MYO18B: variants seen among roughly 807,000 people sequenced by gnomAD.
The protein encoded by MYO18B is unconventional myosin-XVIIIb.
Under a neutral mutation model 273.0 loss-of-function variants are expected in MYO18B, and 204 were observed. The observed-to-expected ratio is 0.75, with a 90% CI of 0.67 to 0.84. MYO18B has a LOEUF of 0.84. Among genes scored for constraint, MYO18B ranks in the 40% least tolerant of loss-of-function variants. MYO18B has a pLI of 0.00. For synonymous variants in MYO18B, 1,330 were observed against 1,305.7 expected, an observed-to-expected ratio of 1.02 and a Z score of -0.40; for missense variants, 3,212 against 3,287.6, an observed-to-expected ratio of 0.98 and a Z score of 0.56.
At chr22:26,033,591 A>T (rs1274515232), downstream of MYO18B, among the ~76,000 whole-genome samples, 1 of 152,206 alleles carries the variant, frequency 6.6e-6, no homozygotes, top group Non-Finnish European at 1.5e-5. Context: ...GAAATCCTGA[A>T]GATGCTCATT....
chr22:25,918,862 C>G (rs2092299944), intron 33 of MYO18B, among the ~76,000 whole-genome samples: 1 of 152,214 alleles, frequency 6.6e-6, no homozygotes, highest in Non-Finnish European at 1.5e-5. Flanking sequence ...GTTTATGAAG[C>G]AGCTCCACTA....
At chr22:25,847,254 CA>C (rs1357002697) in intron 19 of MYO18B, among the ~76,000 whole-genome samples, 175 bp from the exon 20 acceptor site, 1 of 152,168 alleles carries the variant, frequency 6.6e-6, no homozygotes, top group African/African-American at 2.4e-5. Flanking sequence ...TCTGTTTCAA[CA>C]AGAACCATTA....
intron 22 of MYO18B, 57 bp from the exon 23 acceptor site, chr22:25,874,229 C>CA: frequency 6.2e-7 from 1 of 1,605,542 alleles, no homozygotes; most frequent in South Asian, 1.1e-5. Context: ...AAGCACCCCC[C>CA]CATTGTAGAC....
Position 25,883,536 on chromosome 22 carries a change from C to T in MYO18B, c.4314+5488C>T, listed in dbSNP as rs1222642775. On this transcript the variant is annotated intron_variant, in intron 25 of 43. Coordinates refer to ENST00000335473, the MANE Select transcript of MYO18B (RefSeq NM_032608.7). This position sits in a 1 kb window ranked among gnomAD's most constrained non-coding sequence, Gnocchi z 7.6. ...CCTGTCCTGGGACCACACTTTGAGACACATTAGGCCAGAGAACAGCTAGAA... is the reference window on the plus strand; with the variant it reads ...CCTGTCCTGGGACCACACTTTGAGATACATTAGGCCAGAGAACAGCTAGAA... The T allele has an allele frequency of 6.6e-6, 1 of 152,178 alleles. No individual in the cohort carries two copies. Among genetic ancestry groups the T allele is most frequent in the East Asian group, 1.9e-4 (1 of 5,192 alleles). 9.4% of individuals were successfully genotyped at this position (152,178 alleles called of 1,614,324 possible).
chr22:25,925,109 A>G (rs1438705172), intron 34 of MYO18B, among the ~76,000 whole-genome samples: 2 of 152,128 alleles, frequency 1.3e-5, no homozygotes, highest in Admixed American at 6.5e-5. Context: ...ATTAACTTCT[A>G]TTGTCAGGCA....
rs754555017 is a variant in MYO18B, at chr22:25,876,265, A to G, written c.4157A>G (p.Gln1386Arg). 1.2e-6 allele frequency: 2 copies of G among 1,613,484 alleles called. No homozygotes were observed. Among genetic ancestry groups the G allele is most frequent in the Middle Eastern group, 1.7e-4 (1 of 6,060 alleles). ...FLAVKDWPWW[Q>R]LLGSLQPLLS... ...GCAGTCAAGGACTGGCCATGGTGGC[A>G]GCTGCTTGGTTCCCTCCAGCCTCTA... The change falls in exon 24 of 44, where the codon CAG (glutamine) becomes CGG (arginine). Residue 1386 changes from glutamine (Q) to arginine (R), a missense_variant. Physicochemically the swap from Gln to Arg is conservative, Grantham distance 43 (BLOSUM62 1). Transcript: ENST00000335473.
intron 42 of MYO18B, among the ~76,000 whole-genome samples, chr22:26,018,849 G>T (rs1196872539): frequency 6.6e-6 from 1 of 152,122 alleles, no homozygotes; most frequent in Non-Finnish European, 1.5e-5. Context: ...CCAGCTGCTT[G>T]GGAGGCTGAG....
downstream of MYO18B, among the ~76,000 whole-genome samples, chr22:26,034,929 A>G (rs978298639): frequency 2.6e-5 from 4 of 152,246 alleles, no homozygotes; most frequent in South Asian, 8.3e-4. Context: ...GCACTGTAGA[A>G]AAAGCTAAGA....
At chr22:25,817,195 T>A (rs998021097) in intron 12 of MYO18B, among the ~76,000 whole-genome samples, 2 of 151,066 alleles carry the variant, frequency 1.3e-5, no homozygotes, top group African/African-American at 2.4e-5. Flanking sequence ...CCTCCCTTCC[T>A]CCCTTTTTCT....
the MYO18B span, among the ~76,000 whole-genome samples, chr22:26,041,965 A>G: frequency 6.6e-6 from 1 of 152,176 alleles, no homozygotes; most frequent in Non-Finnish European, 1.5e-5. Flanking sequence ...GGAGAAGCCA[A>G]GAAATAGCGA....
intron 12 of MYO18B, among the ~76,000 whole-genome samples, chr22:25,823,236 T>C (rs942807039): frequency 2.6e-5 from 4 of 152,178 alleles, no homozygotes; most frequent in African/African-American, 9.7e-5. Context: ...ATTTCACAGT[T>C]AGAGTGCTTC....
At chr22:25,829,075 G>A (rs2089605647) in intron 15 of MYO18B, 107 bp downstream of exon 15, 2 of 1,274,028 alleles carry the variant, frequency 1.6e-6, no homozygotes, top group African/African-American at 1.5e-5. Flanking sequence ...GCTTCACCCT[G>A]TTTGGTTCAC....
At position 25,874,325 on chromosome 22, in the gene MYO18B, C is replaced by A. The variant is rs796661921; in HGVS notation, c.3991C>A (p.Gln1331Lys). The A allele has an allele frequency of 5.0e-6, 8 of 1,613,948 alleles. No homozygotes were observed. The African/African-American group carries it at 1.1e-4, about 22-fold the overall frequency. The change falls in exon 23 of 44, where the codon CAG becomes AAG. Residue 1331 changes from glutamine (Q) to lysine (K), a missense_variant. By Grantham distance (53) the Gln-to-Lys change is moderately conservative. Transcript: ENST00000335473. ...AGGTGTGATCTCCAGGCTTGAGAAG[C>A]AGCGAGAGAAGCTGGTATCTCAGAG... ...KAGVISRLEKQREKLVSQSIV... is the reference protein window; with the variant it reads ...KAGVISRLEKKREKLVSQSIV...
intron 42 of MYO18B, among the ~76,000 whole-genome samples, chr22:26,018,038 T>G (rs886875184): frequency 1.4e-5 from 2 of 144,042 alleles, no homozygotes; most frequent in African/African-American, 5.2e-5. Context: ...AATGGGCAAC[T>G]CTATGCAAAA....
chr22:25,862,300 A>G (rs1288935628), intron 21 of MYO18B, among the ~76,000 whole-genome samples: 1 of 152,202 alleles, frequency 6.6e-6, no homozygotes, highest in Non-Finnish European at 1.5e-5. Flanking sequence ...AAAAATCAAC[A>G]ATAAAGCTTT....
At chr22:25,781,453 C>CA (rs1236335334) in intron 9 of MYO18B, among the ~76,000 whole-genome samples, 1 of 151,762 alleles carries the variant, frequency 6.6e-6, no homozygotes, top group Non-Finnish European at 1.5e-5. Flanking sequence ...ACTAAAAAAA[C>CA]AAAAAAATTA....
intron 34 of MYO18B, among the ~76,000 whole-genome samples, chr22:25,934,967 C>T (rs58521861): frequency 0.018 from 2,722 of 152,244 alleles, 55 homozygotes; most frequent in African/African-American, 0.05. Context: ...GGTTTCCAGG[C>T]TCGTGTGGGT....
intron 39 of MYO18B, among the ~76,000 whole-genome samples, chr22:25,990,145 T>C (rs1034983658): frequency 6.6e-6 from 1 of 152,218 alleles, no homozygotes; most frequent in Admixed American, 6.5e-5. Context: ...TCTCTCTCTC[T>C]TTAAAATCAG....
At chr22:25,983,385 T>C (rs1021093083) in intron 39 of MYO18B, 1 of 151,872 alleles carries the variant, frequency 6.6e-6, no homozygotes, top group Non-Finnish European at 1.5e-5. Context: ...TAAAAAAAAA[T>C]TCATAATTCT....
Sources: gnomAD v4.1 joint callset for allele counts (sites outside exome capture counted in the v4.1 genomes callset) on GRCh38, gnomAD v4.1.1 for gene constraint, Gnocchi (gnomAD v3.1) non-coding constraint, MANE v1.5 for transcripts, NCBI Gene and HGNC (gene_info 2026-07-23, HGNC 2026-07-21) for gene names.